Variants in TRPM8 observed in about 807,000 individuals in gnomAD.
The protein encoded by TRPM8 is TRPM8 cationic channel.
Under a neutral mutation model 133.7 loss-of-function variants are expected in TRPM8, and 110 were observed. The observed-to-expected ratio is 0.82, with a 90% CI of 0.70 to 0.96. The LOEUF is 0.96. TRPM8 is among the 40% of genes least tolerant of loss of function. The probability of loss-of-function intolerance (pLI) is 0.00; values close to 1 mark genes in which losing one functional copy is unlikely to be tolerated. For missense variants in TRPM8, 1,291 were observed against 1,379.5 expected (o/e 0.94, Z 1.02); for synonymous variants, 535 against 532.3 (o/e 1.01, Z -0.07).
intron 11 of TRPM8, among the ~76,000 whole-genome samples, chr2:233,956,717 T>C (rs17868391): frequency 9.1e-4 from 139 of 152,344 alleles, no homozygotes; most frequent in Non-Finnish European, 1.7e-3. Context: ...GAGAGCAGCA[T>C]AAATAAAGTA....
At chr2:233,945,802 A>G in intron 6 of TRPM8, 54 bp from the exon 7 acceptor site, 4 of 1,480,424 alleles carry the variant, frequency 2.7e-6, no homozygotes, top group Non-Finnish European at 3.7e-6. Context: ...AAATATCATC[A>G]TGTATCTTGA....
intron 9 of TRPM8, among the ~76,000 whole-genome samples, chr2:233,953,109 A>T (rs1022969479): frequency 6.6e-6 from 1 of 151,992 alleles, no homozygotes; most frequent in Non-Finnish European, 1.5e-5. Flanking sequence ...TTGAACTAAG[A>T]CCTCCATCAC....
intron 25 of TRPM8, among the ~76,000 whole-genome samples, chr2:234,016,001 G>A (rs1454988543): frequency 2.0e-5 from 3 of 152,096 alleles, no homozygotes; most frequent in African/African-American, 4.8e-5. Context: ...ATTCAGACAC[G>A]CACATCCCCC....
chr2:233,956,444 G>A (rs551702598), intron 11 of TRPM8, among the ~76,000 whole-genome samples: 8 of 152,288 alleles, frequency 5.3e-5, no homozygotes, highest in African/African-American at 1.9e-4. Flanking sequence ...AGCCCTAGGA[G>A]CCTTGTTCAA....
chr2:233,968,070 G>T (rs1002089652), intron 15 of TRPM8: 3 of 152,230 alleles, frequency 2.0e-5, no homozygotes, highest in African/African-American at 7.2e-5. Context: ...GGGTCAGAAT[G>T]CTGCCAGTGA....
At chr2:233,995,069 G>A (rs1398609450) in intron 21 of TRPM8, among the ~76,000 whole-genome samples, 1 of 152,206 alleles carries the variant, frequency 6.6e-6, no homozygotes, top group African/African-American at 2.4e-5. Context: ...CCTCTGTGAG[G>A]TGGTATCATG....
intron 24 of TRPM8, among the ~76,000 whole-genome samples, chr2:234,011,914 C>CAAAAAAAA (rs869030520): frequency 1.2e-5 from 1 of 81,278 alleles, no homozygotes; most frequent in African/African-American, 5.5e-5. Flanking sequence ...GAGACTGTCT[C>CAAAAAAAA]AAAAAAAAAA....
chr2:233,988,662 T>C (rs1692205972), intron 21 of TRPM8, among the ~76,000 whole-genome samples: 1 of 152,184 alleles, frequency 6.6e-6, no homozygotes, highest in Non-Finnish European at 1.5e-5. Flanking sequence ...ATGAAGATTA[T>C]GTGGCTGCTA....
intron 20 of TRPM8, 42 bp downstream of exon 20, chr2:233,983,266 C>T (rs1244261315): frequency 1.2e-6 from 2 of 1,612,078 alleles, no homozygotes; most frequent in Admixed American, 1.7e-5. Context: ...TTGGAGGAGG[C>T]ATTTGCTCCC....
At chr2:233,934,389 A>G (rs1691746247) in intron 3 of TRPM8, among the ~76,000 whole-genome samples, 1 of 152,238 alleles carries the variant, frequency 6.6e-6, no homozygotes, top group Non-Finnish European at 1.5e-5. Flanking sequence ...TTCTTAAGAA[A>G]GGGATGCCTA....
At chr2:233,934,173 C>A in intron 3 of TRPM8, among the ~76,000 whole-genome samples, 1 of 152,118 alleles carries the variant, frequency 6.6e-6, no homozygotes. Context: ...CAGGGAGTGG[C>A]CAGGCCTCTG....
At chr2:233,981,228 T>G (rs377551257) in intron 18 of TRPM8, among the ~76,000 whole-genome samples, 1 of 152,128 alleles carries the variant, frequency 6.6e-6, no homozygotes, top group African/African-American at 2.4e-5. Flanking sequence ...AGCCTCCCTT[T>G]CTGGTTGGGT....
chr2:233,937,218 A>G (rs1357012264), intron 3 of TRPM8, 135 bp from the exon 4 acceptor site: 6 of 1,157,072 alleles, frequency 5.2e-6, no homozygotes, highest in Non-Finnish European at 4.9e-6. Flanking sequence ...TTTCTACACA[A>G]CCAAGATGAT....
At chr2:233,977,623 G>A (rs761760427) in intron 17 of TRPM8, among the ~76,000 whole-genome samples, 25 of 152,242 alleles carry the variant, frequency 1.6e-4, no homozygotes, top group Non-Finnish European at 3.7e-4. Context: ...GGGTCCCTGG[G>A]GCTGCTAGCA....
At chr2:233,946,071 C>T (rs368756233) in intron 7 of TRPM8, 41 bp downstream of exon 7, 17 of 1,552,940 alleles carry the variant, frequency 1.1e-5, no homozygotes, top group Non-Finnish European at 1.2e-5. Context: ...TGTACAATAA[C>T]CACAGCAGCC....
chr2:233,983,326 C>T (rs757130458), intron 20 of TRPM8, 102 bp downstream of exon 20: 31 of 1,328,354 alleles, frequency 2.3e-5, no homozygotes, highest in Admixed American at 9.2e-5. Flanking sequence ...GAAGCACGCG[C>T]GTGAAACGGA....
chr2:233,976,457 G>A (rs1431313812), intron 17 of TRPM8, among the ~76,000 whole-genome samples: 1 of 152,134 alleles, frequency 6.6e-6, no homozygotes, highest in East Asian at 1.9e-4. Flanking sequence ...CACAGGGCAG[G>A]GACATGGGGT....
At chr2:233,972,180 C>T (rs895462276) in intron 17 of TRPM8, among the ~76,000 whole-genome samples, 7 of 151,158 alleles carry the variant, frequency 4.6e-5, no homozygotes, top group Non-Finnish European at 8.8e-5. Context: ...GGTGTATTTA[C>T]AATCCCTGAG....
chr2:233,998,618 T>C (rs1199955574), intron 22 of TRPM8, among the ~76,000 whole-genome samples: 9 of 150,186 alleles, frequency 6.0e-5, no homozygotes, highest in African/African-American at 2.2e-4. Flanking sequence ...CCAGTTAGAG[T>C]GAGCCGCTTG....
Sources: gnomAD v4.1 joint callset for allele counts (sites outside exome capture counted in the v4.1 genomes callset) on GRCh38, gnomAD v4.1.1 for gene constraint, MANE v1.5 for transcripts, NCBI Gene and HGNC (gene_info 2026-07-23, HGNC 2026-07-21) for gene names.